The following RAB27A variants were observed in gnomAD, a reference collection of about 807,000 sequenced individuals.
The protein encoded by RAB27A is ras-related protein Rab-27A.
Under a neutral mutation model 20.8 loss-of-function variants are expected in RAB27A, and 17 were observed. The ratio of observed to expected loss-of-function variants is 0.82; its 90% CI spans 0.56 to 1.23. RAB27A has a LOEUF of 1.23. RAB27A is among the 50% of genes most tolerant of loss of function. The pLI is 0.00. For missense variants in RAB27A, 277 were observed against 266.7 expected (o/e 1.04, Z -0.27); for synonymous variants, 85 against 92.8 (o/e 0.92, Z 0.48).
At chr15:55,294,534 G>C (rs1448381056), upstream of RAB27A, among the ~76,000 whole-genome samples, 2 of 134,710 alleles carry the variant, frequency 1.5e-5, no homozygotes, top group African/African-American at 2.8e-5. Flanking sequence ...GTTGCAGTGA[G>C]CCAAGATCGT....
At chr15:55,206,503 G>A (rs1414508302) in intron 6 of RAB27A, among the ~76,000 whole-genome samples, 3 of 151,906 alleles carry the variant, frequency 2.0e-5, no homozygotes, top group Non-Finnish European at 4.4e-5. Context: ...CACCACACCT[G>A]GCTAATTATT....
rs1301667041 is a variant in RAB27A, at chr15:55,295,733, G to T, written c.-112+18306C>A. Among the ~76,000 whole-genome samples, 3 of 152,206 alleles carry T rather than the reference G, an allele frequency of 2.0e-5. 1 individual carries two copies. Among genetic ancestry groups the T allele is most frequent in the African/African-American group, 7.2e-5 (3 of 41,526 alleles). Reference sequence around the variant, plus strand: ...GTGTTGACTGCTTATTGCACACGAGGTTTCCTTCTGAGGTGATGAAACTGT... The same window carrying T: ...GTGTTGACTGCTTATTGCACACGAGTTTTCCTTCTGAGGTGATGAAACTGT... On this transcript the variant is annotated intron_variant, in intron 2 of 5. Transcript: ENST00000563262.
upstream of RAB27A, among the ~76,000 whole-genome samples, chr15:55,293,507 A>G (rs8040540): frequency 0.49 from 73,872 of 151,554 alleles, 21,293 homozygotes; most frequent in African/African-American, 0.79. Flanking sequence ...TAAAAGTTCC[A>G]TTTACAATAA....
intron 2 of RAB27A, among the ~76,000 whole-genome samples, chr15:55,243,706 A>C (rs1896581308): frequency 6.6e-6 from 1 of 151,994 alleles, no homozygotes; most frequent in Non-Finnish European, 1.5e-5. Flanking sequence ...TCCTTCATTC[A>C]ATAAATATTG....
intron 1 of RAB27A, among the ~76,000 whole-genome samples, chr15:55,314,932 CAA>C (rs956328048): frequency 6.6e-6 from 1 of 151,966 alleles, no homozygotes; most frequent in African/African-American, 2.4e-5. Flanking sequence ...CATGTAGAAC[CAA>C]AAAAGAGCCC....
intron 1 of RAB27A, among the ~76,000 whole-genome samples, chr15:55,275,935 A>C (rs947712151): frequency 1.3e-5 from 2 of 150,830 alleles, no homozygotes; most frequent in Non-Finnish European, 1.5e-5. Flanking sequence ...AAAAAAAAAA[A>C]AAAAACAAGA....
chr15:55,258,892 T>C (rs552344212), intron 2 of RAB27A, among the ~76,000 whole-genome samples: 1 of 152,178 alleles, frequency 6.6e-6, no homozygotes, highest in Admixed American at 6.5e-5. Context: ...TGGCACAATC[T>C]CATCTCACTG....
chr15:55,304,335 C>T (rs1443253845), intron 2 of RAB27A, among the ~76,000 whole-genome samples: 1 of 151,470 alleles, frequency 6.6e-6, no homozygotes, highest in Non-Finnish European at 1.5e-5. Context: ...CGGAAGGCCG[C>T]AGGGTCCTCT....
At chr15:55,299,324 T>G (rs1171409507) in intron 2 of RAB27A, among the ~76,000 whole-genome samples, 1 of 152,228 alleles carries the variant, frequency 6.6e-6, no homozygotes, top group African/African-American at 2.4e-5. Context: ...CCGGCCACGG[T>G]GCCTCATGCC....
At chr15:55,266,025 G>A (rs1385192526) in intron 2 of RAB27A, among the ~76,000 whole-genome samples, 1 of 152,210 alleles carries the variant, frequency 6.6e-6, no homozygotes, top group East Asian at 1.9e-4. Context: ...AATACACAGA[G>A]CATCAGAAGG....
At chr15:55,302,130 T>C (rs1476048583) in intron 2 of RAB27A, among the ~76,000 whole-genome samples, 1 of 145,338 alleles carries the variant, frequency 6.9e-6, no homozygotes, top group Admixed American at 6.9e-5. Context: ...TGAGTCAAGA[T>C]CACACCACTG....
intron 2 of RAB27A, among the ~76,000 whole-genome samples, chr15:55,309,869 TTTAGG>T (rs1485347801): frequency 6.6e-6 from 1 of 152,082 alleles, no homozygotes; most frequent in African/African-American, 2.4e-5. Flanking sequence ...GCCTTGGGCT[TTTAGG>T]TCCTTAACAA....
Position 55,241,620 on chromosome 15 carries a change from A to ATG in RAB27A, c.-22-6665_-22-6664insCA, listed in dbSNP as rs1382273638. 2.2e-4 allele frequency among the ~76,000 whole-genome samples: 28 copies of ATG among 127,874 alleles called. No individual in the cohort carries two copies. In the Middle Eastern group the frequency reaches 0.018, roughly 83 times the overall value. The allele number at this position is 127,874 out of a possible 152,430, so 83.9% of individuals were successfully genotyped here. A position where few individuals can be genotyped will look rare whatever the true frequency, so the allele number is the denominator to read the frequency against. On this transcript the variant is annotated intron_variant, in intron 2 of 6. Transcript: ENST00000336787. Reference sequence around the variant, plus strand: ...CCTATTTATATATATATATATATATATATATGTGTGTATATATATTTGTTT... The same window carrying ATG: ...CCTATTTATATATATATATATATATATGTATATGTGTGTATATATATTTGTTT...
chr15:55,266,337 G>A (rs1037873320), intron 2 of RAB27A, among the ~76,000 whole-genome samples: 2 of 152,180 alleles, frequency 1.3e-5, no homozygotes, highest in East Asian at 1.9e-4. Flanking sequence ...ATAAATTTCC[G>A]TTGTTTGCAA....
intron 1 of RAB27A, among the ~76,000 whole-genome samples, chr15:55,272,572 C>A (rs2061649781): frequency 6.6e-6 from 1 of 152,294 alleles, no homozygotes; most frequent in South Asian, 2.1e-4. Context: ...CTTAAAGCAA[C>A]AAAACCTTTT....
rs1370109364 is a variant in RAB27A at position 55,234,762 on chromosome 15, T to C, written c.153+20A>G. On this transcript the variant is annotated intron_variant, in intron 3 of 6. Coordinates refer to ENST00000336787, the MANE Select transcript of RAB27A (RefSeq NM_183235.3). ...TTGACTTAACGATTACATTTTTACA[T>C]AGAAGGATATAGAACTTACCACTCT... 24 of 1,594,976 alleles carry C rather than the reference T, an allele frequency of 1.5e-5. No individual in the cohort carries two copies. Among genetic ancestry groups the C allele is most frequent in the Admixed American group, 1.7e-5 (1 of 59,900 alleles).
chr15:55,262,328 T>C (rs1897298680), intron 2 of RAB27A, among the ~76,000 whole-genome samples: 1 of 151,978 alleles, frequency 6.6e-6, no homozygotes, highest in Non-Finnish European at 1.5e-5. Flanking sequence ...AATCACAATG[T>C]CAGGAGATCC....
intron 2 of RAB27A, among the ~76,000 whole-genome samples, chr15:55,303,005 C>T (rs1219518556): frequency 1.4e-5 from 2 of 143,282 alleles, no homozygotes; most frequent in East Asian, 2.3e-4. Context: ...ACCCCCCGCC[C>T]GGCCAGCCGC....
At chr15:55,275,326 A>G (rs1006809161) in intron 1 of RAB27A, among the ~76,000 whole-genome samples, 6 of 151,968 alleles carry the variant, frequency 3.9e-5, no homozygotes, top group Admixed American at 3.9e-4. Context: ...AAAGGAAACA[A>G]CAAAATGGAA....
Sources: gnomAD v4.1 joint callset for allele counts (sites outside exome capture counted in the v4.1 genomes callset) on GRCh38, gnomAD v4.1.1 for gene constraint, MANE v1.5 for transcripts, NCBI Gene and HGNC (gene_info 2026-07-23, HGNC 2026-07-21) for gene names.